LRRC4C: variants seen among roughly 807,000 people sequenced by gnomAD.
LRRC4C encodes leucine rich repeat containing 4C.
LRRC4C carries 5 observed loss-of-function variants against 33.6 expected under a neutral mutation model. That is an observed-to-expected ratio of 0.15 (90% CI 0.08 to 0.31). The LOEUF (loss-of-function observed/expected upper bound fraction) is 0.31. Among genes scored for constraint, LRRC4C ranks in the 10% least tolerant of loss-of-function variants. The pLI is 1.00. For synonymous variants in LRRC4C, 329 were observed against 302.0 expected (o/e 1.09, Z -0.93); for missense variants, 560 against 796.7 (o/e 0.70, Z 3.58).
intron 3 of LRRC4C, among the ~76,000 whole-genome samples, chr11:40,364,126 A>G (rs1268492167): frequency 1.3e-5 from 2 of 151,940 alleles, no homozygotes; most frequent in African/African-American, 2.4e-5. Flanking sequence ...GAAATAAACA[A>G]CAGAAAAAAA....
chr11:41,335,049 G>GTAAC (rs1328747571), intron 1 of LRRC4C, among the ~76,000 whole-genome samples: 4 of 152,024 alleles, frequency 2.6e-5, no homozygotes, highest in African/African-American at 9.7e-5. Context: ...CCACCACCTG[G>GTAAC]TAACACCTCC....
At chr11:40,911,706 T>G (rs1011626596) in intron 2 of LRRC4C, among the ~76,000 whole-genome samples, 1 of 152,174 alleles carries the variant, frequency 6.6e-6, no homozygotes, top group African/African-American at 2.4e-5. Context: ...GAATGACTTT[T>G]ATGAGTTGAG....
chr11:41,056,640 G>T (rs1858639002), intron 1 of LRRC4C, among the ~76,000 whole-genome samples: 1 of 152,106 alleles, frequency 6.6e-6, no homozygotes, highest in African/African-American at 2.4e-5. Flanking sequence ...CATCTATGTG[G>T]TCAACAAACA....
intron 3 of LRRC4C, among the ~76,000 whole-genome samples, chr11:40,474,178 A>T (rs774112844): frequency 1.3e-5 from 2 of 152,196 alleles, no homozygotes; most frequent in African/African-American, 4.8e-5. Context: ...AGCTGGAAGC[A>T]TCAGGTTACA....
chr11:41,071,478 G>T (rs144581872), intron 1 of LRRC4C, among the ~76,000 whole-genome samples: 1 of 152,034 alleles, frequency 6.6e-6, no homozygotes, highest in Non-Finnish European at 1.5e-5. Context: ...CAAATTATGC[G>T]AACTCTGCTC....
rs575117588 is a variant in LRRC4C at position 41,123,705 on chromosome 11, G to C, written c.-495-189982C>G. ...TTTTCTCAGGTGATATGATTTCTAA[G>C]CCTTTCACAAATGTCACCCTGGAAT... is the stretch of plus-strand genomic sequence containing the variant. On this transcript the variant is annotated intron_variant, in intron 1 of 6. Coordinates refer to ENST00000528697, the MANE Select transcript of LRRC4C (RefSeq NM_001258419.2). Among the ~76,000 whole-genome samples, 3 of 151,970 alleles carry C rather than the reference G, an allele frequency of 2.0e-5. No homozygotes were observed. The East Asian group carries it at 5.8e-4, about 29-fold the overall frequency.
At chr11:41,434,627 A>C (rs1565670336) in intron 1 of LRRC4C, among the ~76,000 whole-genome samples, 1 of 152,204 alleles carries the variant, frequency 6.6e-6, no homozygotes, top group African/African-American at 2.4e-5. Flanking sequence ...GATGTGCCTA[A>C]GGATACTCCT....
intron 1 of LRRC4C, among the ~76,000 whole-genome samples, chr11:41,150,645 C>G (rs1943949235): frequency 6.6e-6 from 1 of 151,766 alleles, no homozygotes; most frequent in Admixed American, 6.6e-5. Context: ...CAAAAATTAG[C>G]CAGGTGTGGT....
chr11:40,264,255 A>G (rs942573247), intron 4 of LRRC4C, among the ~76,000 whole-genome samples: 1 of 152,204 alleles, frequency 6.6e-6, no homozygotes, highest in Non-Finnish European at 1.5e-5. Flanking sequence ...CCTCCAGTGC[A>G]CACAAACAAA....
chr11:40,970,464 T>C (rs895600345), intron 1 of LRRC4C, among the ~76,000 whole-genome samples: 2 of 152,176 alleles, frequency 1.3e-5, no homozygotes, highest in Non-Finnish European at 2.9e-5. Flanking sequence ...GCTTCCCATA[T>C]AGCCTGAAGA....
intron 2 of LRRC4C, among the ~76,000 whole-genome samples, chr11:40,906,957 G>C (rs999183462): frequency 6.6e-6 from 1 of 152,114 alleles, no homozygotes; most frequent in African/African-American, 2.4e-5. Context: ...ACTAAATAGA[G>C]TTACATATAT....
At chr11:40,285,676 G>C (rs1262252622) in intron 4 of LRRC4C, among the ~76,000 whole-genome samples, 1 of 152,110 alleles carries the variant, frequency 6.6e-6, no homozygotes, top group Non-Finnish European at 1.5e-5. Flanking sequence ...ATATACGGAA[G>C]GTATATGTGA....
chr11:40,711,157 G>A (rs1475370649), intron 2 of LRRC4C, among the ~76,000 whole-genome samples: 1 of 152,204 alleles, frequency 6.6e-6, no homozygotes, highest in African/African-American at 2.4e-5. Context: ...CCCGGGTGAA[G>A]TGACGCCCTG....
At chr11:40,847,778 G>C (rs76490030) in intron 2 of LRRC4C, among the ~76,000 whole-genome samples, 1 of 93,936 alleles carries the variant, frequency 1.1e-5, no homozygotes. Context: ...GTTTGGTCCT[G>C]GGCTTTTTTT....
chr11:41,053,902 ATT>A (rs2135308261), intron 1 of LRRC4C, among the ~76,000 whole-genome samples: 1 of 152,300 alleles, frequency 6.6e-6, no homozygotes, highest in East Asian at 1.9e-4. Flanking sequence ...GATAATTTTC[ATT>A]TGTTTCCTGT....
intron 6 of LRRC4C, among the ~76,000 whole-genome samples, chr11:40,118,995 T>C (rs539780526): frequency 2.0e-5 from 3 of 152,166 alleles, no homozygotes; most frequent in Admixed American, 6.5e-5. Context: ...CAGAGAGCGA[T>C]CCAGTTTCAA....
At chr11:41,329,856 A>G (rs1951238825) in intron 1 of LRRC4C, among the ~76,000 whole-genome samples, 1 of 152,202 alleles carries the variant, frequency 6.6e-6, no homozygotes, top group Admixed American at 6.5e-5. Context: ...ATGAGGAGGA[A>G]TTGTGCCAAT....
chr11:41,058,872 CAG>C (rs139246772), intron 1 of LRRC4C, among the ~76,000 whole-genome samples: 3,047 of 152,204 alleles, frequency 0.02, 36 homozygotes, highest in Non-Finnish European at 0.03. Flanking sequence ...GAATATTATG[CAG>C]CCATAAAAAT....
chr11:40,275,826 C>CA (rs1943061260), intron 4 of LRRC4C, among the ~76,000 whole-genome samples: 1 of 152,100 alleles, frequency 6.6e-6, no homozygotes, highest in South Asian at 2.1e-4. Context: ...AACATTCTTT[C>CA]AATCACAAAG....
Sources: gnomAD v4.1 joint callset for allele counts (sites outside exome capture counted in the v4.1 genomes callset) on GRCh38, gnomAD v4.1.1 for gene constraint, MANE v1.5 for transcripts, NCBI Gene and HGNC (gene_info 2026-07-23, HGNC 2026-07-21) for gene names.